The following GOLGA8S variants were observed in gnomAD, a reference collection of about 807,000 sequenced individuals.
The protein encoded by GOLGA8S is golgin A8 family member S, also known as golgin subfamily A member 8S.
GOLGA8S carries 23 observed loss-of-function variants against 58.9 expected under a neutral mutation model. That is an observed-to-expected ratio of 0.39 (90% CI 0.28 to 0.55). The LOEUF is 0.55. GOLGA8S is among the 20% of genes least tolerant of loss of function. The probability of loss-of-function intolerance (pLI) is 0.63; values close to 1 mark genes in which losing one functional copy is unlikely to be tolerated. For missense variants in GOLGA8S, 266 were observed against 514.2 expected, an observed-to-expected ratio of 0.52 and a Z score of 4.67; for synonymous variants, 84 against 195.7, an observed-to-expected ratio of 0.43 and a Z score of 4.76.
At chr15:23,364,435 A>G (rs747893316) in exon 16 of GOLGA8S, 6 of 1,605,220 alleles carry the variant, frequency 3.7e-6, no homozygotes, top group Non-Finnish European at 4.2e-6. Context: ...GGCAAGAGAG[A>G]TGCCATCAGT....
chr15:23,362,654 G>A (rs2069821716), intron 13 of GOLGA8S, among the ~76,000 whole-genome samples: 1 of 140,436 alleles, frequency 7.1e-6, no homozygotes, highest in Non-Finnish European at 1.6e-5. Flanking sequence ...GAGGACATGA[G>A]ATTTGAGGCT....
downstream of GOLGA8S, chr15:23,365,348 G>T (rs969762937): frequency 5.6e-5 from 35 of 625,642 alleles, no homozygotes; most frequent in Non-Finnish European, 8.0e-5. Flanking sequence ...GCATCCTTTA[G>T]CATTTTTCTT....
downstream of GOLGA8S, among the ~76,000 whole-genome samples, chr15:23,368,476 C>T (rs1490686881): frequency 6.6e-6 from 1 of 151,198 alleles, no homozygotes; most frequent in East Asian, 1.9e-4. Flanking sequence ...TTATTAAAAA[C>T]ACAAAATAAA....
chr15:23,365,972 A>G (rs1255800805), downstream of GOLGA8S: 4 of 151,364 alleles, frequency 2.6e-5, no homozygotes, highest in Non-Finnish European at 4.4e-5. Flanking sequence ...GAGGAATGAA[A>G]GGTTCCCATC....
downstream of GOLGA8S, chr15:23,365,356 CTTT>C (rs1177464347): frequency 2.9e-5 from 18 of 627,632 alleles, no homozygotes; most frequent in Non-Finnish European, 4.4e-5. Flanking sequence ...TAGCATTTTT[CTTT>C]TTTAATTTCA....
Position 23,361,106 on chromosome 15 carries a change from G to T in GOLGA8S, c.875-115G>T. ...CAGTGAGGCCAAGTTTGAGGAGCCG[G>T]AGAGGAGCTGTGCGCCAAGAGGAGG... On this transcript the variant is annotated intron_variant, in intron 11 of 18. Transcript: ENST00000562295. 1.1e-5 allele frequency: 11 copies of T among 993,780 alleles called. 1 individual carries two copies. In the South Asian group the frequency reaches 1.3e-4, roughly 12 times the overall value. 61.6% of individuals were successfully genotyped at this position (993,780 alleles called of 1,614,324 possible). A position where few individuals can be genotyped will look rare whatever the true frequency, so the allele number is the denominator to read the frequency against.
At chr15:23,365,882 G>A (rs1319569831), downstream of GOLGA8S, 1 of 152,856 alleles carries the variant, frequency 6.5e-6, no homozygotes, top group African/African-American at 2.4e-5. Context: ...ATTTGTATGT[G>A]CTCTGGGCTC....
exon 11 of GOLGA8S, chr15:23,360,786 G>T (rs781771206): frequency 7.0e-7 from 1 of 1,434,746 alleles, no homozygotes; most frequent in South Asian, 1.2e-5. Flanking sequence ...ACGCTGGAGA[G>T]GAGCTTGTCC....
At chr15:23,365,764 C>T (rs1448275030), downstream of GOLGA8S, 1 of 169,712 alleles carries the variant, frequency 5.9e-6, no homozygotes, top group African/African-American at 2.4e-5. Flanking sequence ...CTTTTTAAAT[C>T]TCACAGAAGA....
rs865801898 is a variant in GOLGA8S, at chr15:23,361,016, G to A, written c.874+201G>A. Among the ~76,000 whole-genome samples, 30 of 149,580 alleles carry A rather than the reference G, an allele frequency of 2.0e-4. 1 individual carries two copies. The highest frequency in any genetic ancestry group is 2.2e-4 in the Non-Finnish European group (15 of 67,152). On this transcript the variant is annotated intron_variant, in intron 11 of 18. Coordinates refer to ENST00000562295, the Ensembl canonical transcript of GOLGA8S. The stretch of plus-strand genomic sequence containing the variant: ...AAAGAGGGCCCGTTGTCAGCCACCC[G>A]CAGTGCTCTTTCTCTGAAAGTGCTT...
Position 23,364,485 on chromosome 15 carries a change from C to T in GOLGA8S, c.1449-41C>T, listed in dbSNP as rs770478126. The T allele has an allele frequency of 3.7e-5, 60 of 1,605,216 alleles. 1 individual carries two copies. The highest frequency in any genetic ancestry group is 5.5e-5 in the South Asian group (5 of 90,566). ...GGCACAGCAGGGGGAGCTACAGGGC[C>T]GTCGGAGGGGCCCCAGCGTCTGAGC... On this transcript the variant is annotated intron_variant, in intron 16 of 18. Coordinates refer to ENST00000562295, the Ensembl canonical transcript of GOLGA8S.
At chr15:23,364,439 C>T (rs1257195673) in exon 16 of GOLGA8S, 1 of 1,605,178 alleles carries the variant, frequency 6.2e-7, no homozygotes, top group Non-Finnish European at 8.5e-7. Context: ...AGAGAGATGC[C>T]ATCAGTGAGT....
chr15:23,367,839 CTATT>C (rs1353539492), downstream of GOLGA8S, among the ~76,000 whole-genome samples: 13 of 151,592 alleles, frequency 8.6e-5, 2 homozygotes, highest in African/African-American at 1.7e-4. Flanking sequence ...ATCAAAACAC[CTATT>C]TAAAGATGGC....
intron 11 of GOLGA8S, 124 bp from the exon 12 acceptor site, chr15:23,361,097 G>A (rs1245456113): frequency 1.2e-5 from 12 of 963,268 alleles, no homozygotes; most frequent in Non-Finnish European, 1.8e-5. Context: ...GGCCAAGTTT[G>A]AGGAGCCGGA....
At chr15:23,364,423 C>T (rs2069872466) in exon 16 of GOLGA8S, 6 of 1,604,912 alleles carry the variant, frequency 3.7e-6, no homozygotes, top group African/African-American at 1.3e-5. Context: ...TCATTCAATA[C>T]TGGCAAGAGA....
exon 7 of GOLGA8S, chr15:23,358,970 G>A (rs2069736915): frequency 1.7e-6 from 1 of 585,342 alleles, no homozygotes; most frequent in Non-Finnish European, 3.0e-6. Context: ...ATACGGACCT[G>A]TACCACACGA....
intron 10 of GOLGA8S, 73 bp downstream of exon 10, chr15:23,360,605 ATAG>A: frequency 8.6e-7 from 1 of 1,161,508 alleles, no homozygotes. Context: ...TAAAATGGGA[ATAG>A]TAGAGCCAGA....
At chr15:23,361,274 C>T (rs1357788551) in exon 12 of GOLGA8S, 2 of 1,482,472 alleles carry the variant, frequency 1.3e-6, no homozygotes, top group East Asian at 4.5e-5. Flanking sequence ...GGAGCTGCAG[C>T]ACCTGAGGAA....
In GOLGA8S at chr15:23,360,630, G is replaced by T. The variant is rs2069771456; in HGVS notation, c.786+98G>T. ...ATAGTAGAGCCAGAGGTGGTCATGG[G>T]ACTGGGCTTTGTGGAGGTGGGGGCA... On this transcript the variant is annotated intron_variant, in intron 10 of 18. Coordinates refer to ENST00000562295, the Ensembl canonical transcript of GOLGA8S. 4.7e-6 allele frequency: 6 copies of T among 1,276,744 alleles called. 1 individual carries two copies. The South Asian group carries it at 6.0e-5, about 13-fold the overall frequency. 79.1% of individuals were successfully genotyped at this position (1,276,744 alleles called of 1,614,324 possible). A position where few individuals can be genotyped will look rare whatever the true frequency, so the allele number is the denominator to read the frequency against.
Sources: allele counts gnomAD v4.1 joint callset (sites outside exome capture counted in the v4.1 genomes callset), GRCh38; gene constraint gnomAD v4.1.1; transcripts MANE v1.5; gene names NCBI Gene and HGNC (gene_info 2026-07-23, HGNC 2026-07-21).